The following LRP1B variants were observed in gnomAD, a reference collection of about 807,000 sequenced individuals.
LRP1B encodes the protein LDL receptor related protein 1B.
LRP1B carries 217 observed loss-of-function variants against 556.6 expected under a neutral mutation model. That is an observed-to-expected ratio of 0.39 (90% CI 0.35 to 0.44). The LOEUF (loss-of-function observed/expected upper bound fraction) is 0.44. LRP1B is among the 20% of genes least tolerant of loss of function. The pLI is 1.00. For missense variants in LRP1B, 5,053 were observed against 5,620.8 expected (o/e 0.90, Z 3.23); for synonymous variants, 2,047 against 1,865.8 (o/e 1.10, Z -2.50).
intron 7 of LRP1B, among the ~76,000 whole-genome samples, chr2:141,063,154 G>T (rs995085634): frequency 3.3e-5 from 5 of 151,704 alleles, no homozygotes; most frequent in African/African-American, 9.7e-5. Flanking sequence ...AGACCATCTT[G>T]CCTTGACTTA....
At chr2:141,091,408 A>C (rs567131292) in intron 7 of LRP1B, among the ~76,000 whole-genome samples, 6 of 152,318 alleles carry the variant, frequency 3.9e-5, no homozygotes, top group East Asian at 1.9e-4. Flanking sequence ...TAAAAAACAA[A>C]AACAACAACA....
At chr2:141,397,538 G>A (rs13025719) in intron 3 of LRP1B, among the ~76,000 whole-genome samples, 1,566 of 151,756 alleles carry the variant, frequency 0.01, 17 homozygotes, top group Middle Eastern at 0.072. Flanking sequence ...TTGGAATAAC[G>A]CATTAAAGGA....
intron 52 of LRP1B, among the ~76,000 whole-genome samples, chr2:140,507,549 C>T (rs1285448779): frequency 6.6e-6 from 1 of 152,038 alleles, no homozygotes; most frequent in Non-Finnish European, 1.5e-5. Flanking sequence ...GAATATTGAT[C>T]CATGAAAGCA....
chr2:140,273,953 A>G (rs1382296375), intron 85 of LRP1B, among the ~76,000 whole-genome samples: 1 of 152,006 alleles, frequency 6.6e-6, no homozygotes, highest in East Asian at 1.9e-4. Flanking sequence ...ATAATGTTCA[A>G]AGTCAGATTA....
intron 18 of LRP1B, among the ~76,000 whole-genome samples, chr2:140,956,389 T>A (rs1695873790): frequency 6.6e-6 from 1 of 151,798 alleles, no homozygotes. Flanking sequence ...TTAGAAAGAT[T>A]TGGGAAGGAA....
chr2:142,129,159 G>A (rs1012880299), intron 1 of LRP1B, among the ~76,000 whole-genome samples: 4 of 152,176 alleles, frequency 2.6e-5, no homozygotes, highest in Non-Finnish European at 5.9e-5. Flanking sequence ...GTTGAGAGCT[G>A]ATTGTTCCAG....
chr2:140,708,855 T>C (rs6705369), intron 37 of LRP1B, among the ~76,000 whole-genome samples: 2,296 of 152,146 alleles, frequency 0.015, 47 homozygotes, highest in African/African-American at 0.05. Context: ...AAGAAGTTTT[T>C]AATTTGTTCC....
intron 41 of LRP1B, among the ~76,000 whole-genome samples, chr2:140,660,434 G>A (rs1366596492): frequency 6.6e-6 from 1 of 151,884 alleles, no homozygotes; most frequent in East Asian, 1.9e-4. Flanking sequence ...TATTTTCTAT[G>A]TACCTGTCTT....
chr2:140,288,150 G>C (rs139540559), intron 84 of LRP1B, among the ~76,000 whole-genome samples: 1 of 11,280 alleles, frequency 8.9e-5, no homozygotes, highest in African/African-American at 4.2e-4. Flanking sequence ...AAAATTTGGG[G>C]ATTTTTTTTT....
At chr2:140,398,300 G>A in intron 66 of LRP1B, among the ~76,000 whole-genome samples, 1 of 152,020 alleles carries the variant, frequency 6.6e-6, no homozygotes. Context: ...GGAAAGGGGA[G>A]ATACTCATAA....
intron 3 of LRP1B, among the ~76,000 whole-genome samples, chr2:141,254,854 G>T (rs149386556): frequency 6.6e-6 from 1 of 151,858 alleles, no homozygotes; most frequent in Non-Finnish European, 1.5e-5. Flanking sequence ...TTGGTCTCCC[G>T]CTTTTTAGCT....
chr2:140,647,332 T>C (rs1276961597), intron 41 of LRP1B, among the ~76,000 whole-genome samples: 2 of 152,196 alleles, frequency 1.3e-5, no homozygotes, highest in African/African-American at 2.4e-5. Context: ...CAGTGAACCA[T>C]TGCACTGCAC....
chr2:140,972,321 A>G (rs986476359), intron 18 of LRP1B, among the ~76,000 whole-genome samples: 5 of 152,212 alleles, frequency 3.3e-5, no homozygotes, highest in African/African-American at 1.2e-4. Context: ...AATCTACAGG[A>G]CATAAGCACG....
At chr2:140,938,476 C>A (rs1225908368) in intron 20 of LRP1B, among the ~76,000 whole-genome samples, 2 of 152,024 alleles carry the variant, frequency 1.3e-5, no homozygotes, top group African/African-American at 4.8e-5. Flanking sequence ...AAATGCCTTT[C>A]TTTTGTCATC....
At chr2:141,685,955 T>G (rs1418525256) in intron 2 of LRP1B, among the ~76,000 whole-genome samples, 4 of 152,206 alleles carry the variant, frequency 2.6e-5, no homozygotes, top group Non-Finnish European at 4.4e-5. Flanking sequence ...GTACATACAC[T>G]GCATTTATCC....
intron 5 of LRP1B, among the ~76,000 whole-genome samples, chr2:141,244,409 C>T (rs1040755643): frequency 1.3e-5 from 2 of 152,042 alleles, no homozygotes; most frequent in Non-Finnish European, 2.9e-5. Flanking sequence ...TCTGGCTTGT[C>T]GTGGAGGGAA....
At chr2:140,901,429 C>A (rs1298976042) in intron 23 of LRP1B, among the ~76,000 whole-genome samples, 1 of 151,556 alleles carries the variant, frequency 6.6e-6, no homozygotes, top group African/African-American at 2.4e-5. Flanking sequence ...ATTCTTTTAC[C>A]CCCTGTGCCA....
chr2:141,478,436 G>T (rs1299370459), intron 3 of LRP1B, among the ~76,000 whole-genome samples: 1 of 152,112 alleles, frequency 6.6e-6, no homozygotes, highest in Non-Finnish European at 1.5e-5. Flanking sequence ...TTAGGATCTA[G>T]AAAATATAAT....
chr2:141,496,005 G>A (rs1286014928), intron 2 of LRP1B, among the ~76,000 whole-genome samples: 1 of 151,896 alleles, frequency 6.6e-6, no homozygotes, highest in Non-Finnish European at 1.5e-5. Flanking sequence ...AAACTATCAT[G>A]GAAACACTGT....
Sources: gnomAD v4.1 joint callset for allele counts (sites outside exome capture counted in the v4.1 genomes callset) on GRCh38, gnomAD v4.1.1 for gene constraint, MANE v1.5 for transcripts, NCBI Gene and HGNC (gene_info 2026-07-23, HGNC 2026-07-21) for gene names.